CDYL2: variants seen among roughly 807,000 people sequenced by gnomAD.
The protein encoded by CDYL2 is chromodomain Y like 2.
A neutral mutation model predicts 49.4 loss-of-function variants in CDYL2; 23 were observed. The observed-to-expected ratio is 0.47, with a 90% confidence interval of 0.34 to 0.66. The LOEUF is 0.66. Ranked by LOEUF, CDYL2 falls within the 30% of genes least tolerant of loss-of-function variation. The probability of loss-of-function intolerance (pLI) is 0.01; values close to 1 mark genes in which losing one functional copy is unlikely to be tolerated. For missense variants in CDYL2, 678 were observed against 656.4 expected (o/e 1.03, Z -0.36); for synonymous variants, 360 against 268.8 (o/e 1.34, Z -3.32).
At chr16:80,706,416 A>G (rs1481882306) in intron 1 of CDYL2, among the ~76,000 whole-genome samples, 6 of 152,172 alleles carry the variant, frequency 3.9e-5, no homozygotes, top group Non-Finnish European at 8.8e-5. Flanking sequence ...CTAGGCCTCC[A>G]CCCTATAAAA....
Position 80,600,453 on chromosome 16 carries a change from T to C in CDYL2, c.*3935A>G, listed in dbSNP as rs1427574030. 2.0e-5 allele frequency: 3 copies of C among 152,150 alleles called. No individual in the cohort carries two copies. Among genetic ancestry groups the C allele is most frequent in the Admixed American group, 6.6e-5 (1 of 15,266 alleles). The allele number at this position is 152,150 out of a possible 1,614,324, so 9.4% of individuals were successfully genotyped here. On this transcript the variant is annotated 3_prime_UTR_variant, in exon 7 of 7. Transcript: ENST00000570137. ...CACTTATCTACAACAAAAATATACA[T>C]GCAAGACAACCCCAAATGGTTTCCC... is the stretch of plus-strand genomic sequence containing the variant.
chr16:80,727,979 T>G (rs1012368393), intron 1 of CDYL2, among the ~76,000 whole-genome samples: 1 of 151,638 alleles, frequency 6.6e-6, no homozygotes, highest in Non-Finnish European at 1.5e-5. Context: ...CAAAAGTAGA[T>G]AAAAACCACA....
At chr16:80,623,922 C>A (rs1907193294) in intron 3 of CDYL2, among the ~76,000 whole-genome samples, 1 of 152,130 alleles carries the variant, frequency 6.6e-6, no homozygotes, top group Non-Finnish European at 1.5e-5. Flanking sequence ...GAAAGCAGAT[C>A]CTTCTCCCCT....
intron 3 of CDYL2, among the ~76,000 whole-genome samples, chr16:80,631,934 C>T (rs1021096398): frequency 3.3e-5 from 5 of 152,192 alleles, no homozygotes; most frequent in Non-Finnish European, 2.9e-5. Context: ...TCACATACTA[C>T]TGGTCAGAAC....
intron 2 of CDYL2, among the ~76,000 whole-genome samples, chr16:80,638,907 G>A (rs1008609652): frequency 6.6e-6 from 1 of 151,778 alleles, no homozygotes; most frequent in Non-Finnish European, 1.5e-5. Context: ...GAAACCCTAG[G>A]GAACTTGGGT....
intron 4 of CDYL2, among the ~76,000 whole-genome samples, chr16:80,614,728 G>C (rs1202044259): frequency 1.3e-5 from 2 of 152,068 alleles, no homozygotes; most frequent in African/African-American, 4.8e-5. Flanking sequence ...GCTGGGTGTG[G>C]TGGCAGATGC....
chr16:80,634,945 G>T (rs9931563), intron 2 of CDYL2, among the ~76,000 whole-genome samples: 1 of 152,112 alleles, frequency 6.6e-6, no homozygotes, highest in Non-Finnish European at 1.5e-5. Flanking sequence ...CAGAAAACAG[G>T]TTCAGAGGAA....
chr16:80,691,845 G>A (rs1338884664), intron 1 of CDYL2, among the ~76,000 whole-genome samples: 1 of 152,048 alleles, frequency 6.6e-6, no homozygotes, highest in African/African-American at 2.4e-5. Context: ...TGAAAAAAAC[G>A]ATTCATTTAC....
In CDYL2 at chr16:80,633,205, C is replaced by G. The variant is rs566236284; in HGVS notation, c.648G>C (p.Leu216=). ...GSALTNGGLN[L]HSPVKRKLEA... The stretch of plus-strand genomic sequence containing the variant: ...CCAGCTTCCTCTTCACTGGACTGTG[C>G]AGGTTCAATCCCCCGTTGGTCAGAG... The change falls in exon 3 of 7, where the codon CTG becomes CTC. Residue 216 remains leucine, a synonymous_variant. Coordinates refer to ENST00000570137, the MANE Select transcript of CDYL2 (RefSeq NM_152342.4). 178 of 1,614,210 alleles carry G rather than the reference C, an allele frequency of 1.1e-4. 1 individual carries two copies. The South Asian group carries it at 1.9e-3, about 17-fold the overall frequency.
Position 80,721,825 on chromosome 16 carries a change from T to C in CDYL2, c.25-36696A>G, listed in dbSNP as rs114150168. On this transcript the variant is annotated intron_variant, in intron 1 of 6. Coordinates refer to ENST00000570137, the MANE Select transcript of CDYL2 (RefSeq NM_152342.4). ...CCGGTGACCATCCCCATCCTTCTCC[T>C]GGTGCCATGCAGTCCCCACAGTTCC... Among the ~76,000 whole-genome samples the C allele has an allele frequency of 1.0e-2, 1,517 of 152,302 alleles. 34 individuals carry two copies. Among genetic ancestry groups the C allele is most frequent in the African/African-American group, 0.034 (1,424 of 41,556 alleles).
chr16:80,669,825 G>A (rs947243203), intron 2 of CDYL2, among the ~76,000 whole-genome samples: 7 of 152,192 alleles, frequency 4.6e-5, no homozygotes, highest in Non-Finnish European at 1.0e-4. Context: ...GCACACATGG[G>A]CTGTGGTGAC....
chr16:80,740,907 T>C (rs892258450), intron 1 of CDYL2, among the ~76,000 whole-genome samples: 4 of 151,664 alleles, frequency 2.6e-5, no homozygotes, highest in African/African-American at 4.8e-5. Flanking sequence ...GGAAGTTTCA[T>C]TACTATAAAC....
intron 1 of CDYL2, among the ~76,000 whole-genome samples, chr16:80,789,842 T>C (rs1190793614): frequency 6.6e-6 from 1 of 152,154 alleles, no homozygotes; most frequent in Non-Finnish European, 1.5e-5. Flanking sequence ...TTCTCACTTG[T>C]AGATGAGACA....
chr16:80,673,647 T>A (rs796253964), intron 2 of CDYL2, among the ~76,000 whole-genome samples: 22 of 152,336 alleles, frequency 1.4e-4, no homozygotes, highest in African/African-American at 4.8e-4. Context: ...CAAACCCATA[T>A]GCATACCCTT....
chr16:80,795,047 C>T (rs368577698), intron 1 of CDYL2, among the ~76,000 whole-genome samples: 4 of 152,232 alleles, frequency 2.6e-5, no homozygotes, highest in East Asian at 1.9e-4. Context: ...AATTCAAATC[C>T]GGCATTTGTA....
At chr16:80,610,220 A>G (rs928287296) in intron 5 of CDYL2, among the ~76,000 whole-genome samples, 8 of 152,280 alleles carry the variant, frequency 5.3e-5, no homozygotes, top group African/African-American at 1.9e-4. Context: ...AGGCCCTCAG[A>G]TGGAAACAAT....
At chr16:80,650,108 A>C (rs553121499) in intron 2 of CDYL2, among the ~76,000 whole-genome samples, 1 of 152,188 alleles carries the variant, frequency 6.6e-6, no homozygotes, top group African/African-American at 2.4e-5. Context: ...CAAAGCAAAA[A>C]TGGACAAATG....
At chr16:80,730,507 G>T (rs368140196) in intron 1 of CDYL2, among the ~76,000 whole-genome samples, 5 of 151,942 alleles carry the variant, frequency 3.3e-5, no homozygotes, top group Admixed American at 6.6e-5. Flanking sequence ...ATTCACAGCC[G>T]AATTCTACCA....
chr16:80,746,261 G>C (rs1165791327), intron 1 of CDYL2, among the ~76,000 whole-genome samples: 1 of 152,180 alleles, frequency 6.6e-6, no homozygotes, highest in African/African-American at 2.4e-5. Context: ...CACAGGCTGA[G>C]AACATAATAA....
Sources: allele counts gnomAD v4.1 joint callset (sites outside exome capture counted in the v4.1 genomes callset), GRCh38; gene constraint gnomAD v4.1.1; transcripts MANE v1.5; gene names NCBI Gene and HGNC (gene_info 2026-07-23, HGNC 2026-07-21).